SMURF1: variants seen among roughly 807,000 people sequenced by gnomAD.
The protein encoded by SMURF1 is E3 ubiquitin-protein ligase SMURF1.
In SMURF1, 44 loss-of-function variants were observed where a neutral mutation model predicts 98.0. That is an observed-to-expected ratio of 0.45 (90% CI 0.35 to 0.58). The LOEUF is 0.58. SMURF1 is among the 20% of genes least tolerant of loss of function. The probability of loss-of-function intolerance (pLI) is 0.00; values close to 1 mark genes in which losing one functional copy is unlikely to be tolerated. For missense variants in SMURF1, 687 were observed against 938.4 expected, an observed-to-expected ratio of 0.73 and a Z score of 3.50; for synonymous variants, 396 against 374.9, an observed-to-expected ratio of 1.06 and a Z score of -0.65.
chr7:99,133,757 C>T (rs1797925596), intron 1 of SMURF1, among the ~76,000 whole-genome samples: 1 of 152,218 alleles, frequency 6.6e-6, no homozygotes. Flanking sequence ...AGAAAGGACT[C>T]TGCCCATCAA....
At chr7:99,049,090 CAAAAA>C (rs548044588) in intron 9 of SMURF1, 5 of 69,472 alleles carry the variant, frequency 7.2e-5, no homozygotes, top group South Asian at 4.2e-4. Context: ...GACTCTGTCT[CAAAAA>C]AAAAAAAAAA....
chr7:99,035,452 GC>G (rs1795098388), intron 16 of SMURF1, 62 bp downstream of exon 16: 1 of 1,580,260 alleles, frequency 6.3e-7, no homozygotes, highest in South Asian at 1.1e-5. Flanking sequence ...CCACCTTCCA[GC>G]TCTTCCTGCC....
intron 1 of SMURF1, among the ~76,000 whole-genome samples, chr7:99,076,270 G>GA (rs1334928442): frequency 6.6e-6 from 1 of 151,920 alleles, no homozygotes; most frequent in South Asian, 2.1e-4. Flanking sequence ...GGAAAGAGAG[G>GA]AAAAAAAAGT....
chr7:99,085,461 C>G (rs1796660789), intron 1 of SMURF1, among the ~76,000 whole-genome samples: 1 of 152,050 alleles, frequency 6.6e-6, no homozygotes, highest in South Asian at 2.1e-4. Flanking sequence ...AACCATGAGC[C>G]AATTAAACCT....
rs146090363 is a variant in SMURF1 at position 99,094,223 on chromosome 7, T to C, written c.56-32386A>G. On this transcript the variant is annotated intron_variant, in intron 1 of 17. Transcript: ENST00000361368. Reference sequence around the variant, plus strand: ...AAGAAAAGTCAACAAGAACAACGAATAGCTTTCTATATCACAAAGAGAATG... The same window carrying C: ...AAGAAAAGTCAACAAGAACAACGAACAGCTTTCTATATCACAAAGAGAATG... 2.5e-3 allele frequency among the ~76,000 whole-genome samples: 383 copies of C among 152,318 alleles called. 2 individuals carry two copies. The highest frequency in any genetic ancestry group is 4.6e-3 in the Admixed American group (71 of 15,304).
intron 1 of SMURF1, among the ~76,000 whole-genome samples, chr7:99,097,267 CAAA>C (rs1486391588): frequency 6.6e-6 from 1 of 151,970 alleles, no homozygotes; most frequent in African/African-American, 2.4e-5. Context: ...CACTGAGTAC[CAAA>C]AAGAGGGGAG....
intron 1 of SMURF1, among the ~76,000 whole-genome samples, chr7:99,072,381 G>A (rs1467760233): frequency 2.0e-5 from 3 of 152,138 alleles, no homozygotes; most frequent in Non-Finnish European, 2.9e-5. Context: ...GCGGCCAGGC[G>A]TGGTGGCTCA....
intron 11 of SMURF1, 81 bp from the exon 12 acceptor site, chr7:99,042,313 T>A: frequency 1.1e-6 from 1 of 914,892 alleles, no homozygotes; most frequent in Non-Finnish European, 1.7e-6. Flanking sequence ...GGAGTCTCAC[T>A]CTGTCGCCCA....
chr7:99,077,442 C>T (rs896820153), intron 1 of SMURF1, among the ~76,000 whole-genome samples: 6 of 151,600 alleles, frequency 4.0e-5, no homozygotes, highest in African/African-American at 1.5e-4. Context: ...AAGTTATTCT[C>T]CTGCCTCAGC....
intron 13 of SMURF1, among the ~76,000 whole-genome samples, chr7:99,039,927 C>T (rs1795307411): frequency 1.3e-5 from 2 of 152,248 alleles, no homozygotes; most frequent in African/African-American, 2.4e-5. Flanking sequence ...TTGATACTTG[C>T]TTGGCCCCTG....
At chr7:99,053,722 G>A (rs1218555683) in intron 6 of SMURF1, among the ~76,000 whole-genome samples, 10 of 152,162 alleles carry the variant, frequency 6.6e-5, no homozygotes, top group African/African-American at 2.2e-4. Context: ...GTGTGTTAAT[G>A]TTGGATCATC....
chr7:99,038,324 C>T (rs895703579), intron 14 of SMURF1, 64 bp downstream of exon 14: 4 of 1,584,116 alleles, frequency 2.5e-6, no homozygotes, highest in African/African-American at 2.7e-5. Flanking sequence ...GAAGGAGCTA[C>T]AGCAACTAAA....
At chr7:99,089,798 A>G (rs1311940697) in intron 1 of SMURF1, among the ~76,000 whole-genome samples, 1 of 152,224 alleles carries the variant, frequency 6.6e-6, no homozygotes, top group Non-Finnish European at 1.5e-5. Context: ...CATAGTCAGA[A>G]GCCTACATTT....
intron 3 of SMURF1, among the ~76,000 whole-genome samples, chr7:99,059,025 G>A (rs561646045): frequency 3.3e-5 from 5 of 152,176 alleles, no homozygotes; most frequent in Admixed American, 2.6e-4. Flanking sequence ...AGGAGGTTGC[G>A]GTGAGCCAAG....
intron 1 of SMURF1, among the ~76,000 whole-genome samples, chr7:99,093,939 G>A (rs1796885770): frequency 6.6e-6 from 1 of 151,980 alleles, no homozygotes; most frequent in Admixed American, 6.6e-5. Context: ...AACAAATAAT[G>A]AAAGTCAGTC....
intron 2 of SMURF1, among the ~76,000 whole-genome samples, 158 bp downstream of exon 2, chr7:99,061,638 ATGT>A (rs1796036753): frequency 6.6e-6 from 1 of 152,240 alleles, no homozygotes; most frequent in Non-Finnish European, 1.5e-5. Flanking sequence ...GGAACTACCC[ATGT>A]TGTAGTCAAC....
intron 1 of SMURF1, among the ~76,000 whole-genome samples, chr7:99,106,898 A>C (rs968058737): frequency 6.6e-6 from 1 of 152,248 alleles, no homozygotes; most frequent in African/African-American, 2.4e-5. Context: ...AATCACAGGC[A>C]CTACTGCGGT....
chr7:99,071,061 CTTT>C (rs58384494), intron 1 of SMURF1, among the ~76,000 whole-genome samples: 8 of 142,054 alleles, frequency 5.6e-5, no homozygotes, highest in Admixed American at 7.1e-5. Flanking sequence ...GCATTTGGAA[CTTT>C]TTTTTTTTTT....
At chr7:99,085,010 GC>G (rs1174755253) in intron 1 of SMURF1, among the ~76,000 whole-genome samples, 2 of 152,048 alleles carry the variant, frequency 1.3e-5, no homozygotes, top group Admixed American at 1.3e-4. Context: ...TCCTGCTCTG[GC>G]CATGTAAGAC....
Sources: allele counts gnomAD v4.1 joint callset (sites outside exome capture counted in the v4.1 genomes callset), GRCh38; gene constraint gnomAD v4.1.1; transcripts MANE v1.5; gene names NCBI Gene and HGNC (gene_info 2026-07-23, HGNC 2026-07-21).